The following COL22A1 variants were observed in gnomAD, a reference collection of about 807,000 sequenced individuals.
The protein encoded by COL22A1 is collagen alpha-1(XXII) chain.
A neutral mutation model predicts 248.9 loss-of-function variants in COL22A1; 221 were observed. The ratio of observed to expected loss-of-function variants is 0.89; its 90% CI spans 0.80 to 0.99. The LOEUF is 0.99. Among genes scored for constraint, COL22A1 ranks in the 50% least tolerant of loss-of-function variants. The probability of loss-of-function intolerance (pLI) is 0.00; values close to 1 mark genes in which losing one functional copy is unlikely to be tolerated. For missense variants in COL22A1, 2,240 were observed against 2,179.0 expected, an observed-to-expected ratio of 1.03 and a Z score of -0.56; for synonymous variants, 891 against 793.4, an observed-to-expected ratio of 1.12 and a Z score of -2.07.
intron 52 of COL22A1, 69 bp downstream of exon 52, chr8:138,623,663 A>C (rs1820008232): frequency 2.9e-6 from 4 of 1,379,270 alleles, no homozygotes; most frequent in Non-Finnish European, 4.0e-6. Context: ...AGCTCCTCAC[A>C]CAAAGTAGTT....
At chr8:138,832,094 A>C (rs1159468667) in intron 5 of COL22A1, among the ~76,000 whole-genome samples, 1 of 152,160 alleles carries the variant, frequency 6.6e-6, no homozygotes, top group Non-Finnish European at 1.5e-5. Flanking sequence ...CTACACTCCC[A>C]TCAGCGCCAT....
At position 138,594,052 on chromosome 8, in the gene COL22A1, C is replaced by A. The variant is rs951294502; in HGVS notation, c.4580G>T (p.Gly1527Val). 3.2e-6 allele frequency: 5 copies of A among 1,584,852 alleles called. No individual in the cohort carries two copies. Among genetic ancestry groups the A allele is most frequent in the Non-Finnish European group, 2.6e-6 (3 of 1,170,160 alleles). ...MGEPGRPGQG[G>V]LEGPSGPIGP... ...TATGGGTCCAGAGGGTCCTTCCAGA[C>A]CCCCCTGCCCAGGACGACCTGGCTC... Residue 1527 changes from glycine to valine, a missense_variant, in exon 63 of 65, where the codon GGT (glycine) becomes GTT (valine). Gly to Val is a moderately radical substitution (Grantham distance 109). Transcript: ENST00000303045.
intron 7 of COL22A1, among the ~76,000 whole-genome samples, chr8:138,814,331 T>G (rs1468641313): frequency 6.6e-6 from 1 of 152,242 alleles, no homozygotes; most frequent in Non-Finnish European, 1.5e-5. Context: ...ATCCACAGAT[T>G]GGGAACTTAA....
intron 4 of COL22A1, among the ~76,000 whole-genome samples, chr8:138,838,656 G>A (rs1820617187): frequency 7.5e-6 from 1 of 133,674 alleles, no homozygotes; most frequent in Non-Finnish European, 1.6e-5. Flanking sequence ...TAACTAGGTG[G>A]CAGCAAAGGG....
At position 138,879,923 on chromosome 8, in the gene COL22A1, G is replaced by A. The variant is rs181296981; in HGVS notation, c.92-1607C>T. On this transcript the variant is annotated intron_variant, in intron 2 of 64. Transcript: ENST00000303045. ...ATGGTCTGGTAGTGGCTGGGTGCACGAGAGTTGGAGGAGAATGCACCTGCC... is the reference window on the plus strand; with the variant it reads ...ATGGTCTGGTAGTGGCTGGGTGCACAAGAGTTGGAGGAGAATGCACCTGCC... Among the ~76,000 whole-genome samples, 1,046 of 152,250 alleles carry A rather than the reference G, an allele frequency of 6.9e-3. 6 individuals are homozygous for A. The highest frequency in any genetic ancestry group is 9.9e-3 in the Non-Finnish European group (671 of 68,020).
At chr8:138,733,343 AAGAC>A (rs1586600360) in intron 23 of COL22A1, among the ~76,000 whole-genome samples, 1 of 152,184 alleles carries the variant, frequency 6.6e-6, no homozygotes, top group African/African-American at 2.4e-5. Context: ...TTCATTCTGA[AAGAC>A]AGGCATAAAA....
In COL22A1 at chr8:138,718,889, A is replaced by G. The variant is rs368520926; in HGVS notation, c.2355+1850T>C. ...TAGATTGAAAAGCTGGAGTAATCCC[A>G]GAGGGTCCCTATAATTTTAGCCCAG... On this transcript the variant is annotated intron_variant, in intron 27 of 64. Coordinates refer to ENST00000303045, the MANE Select transcript of COL22A1 (RefSeq NM_152888.3). Among the ~76,000 whole-genome samples, 31 of 152,358 alleles carry G rather than the reference A, an allele frequency of 2.0e-4. 4 individuals are homozygous for G. The highest frequency in any genetic ancestry group is 1.4e-3 in the Admixed American group (22 of 15,294).
chr8:138,852,804 C>A (rs547078988), intron 3 of COL22A1, among the ~76,000 whole-genome samples: 1 of 151,954 alleles, frequency 6.6e-6, no homozygotes, highest in African/African-American at 2.4e-5. Flanking sequence ...GAGTGTTTCA[C>A]GCAGCAGGGA....
intron 23 of COL22A1, among the ~76,000 whole-genome samples, chr8:138,727,812 G>A (rs1028342398): frequency 6.6e-6 from 1 of 152,114 alleles, no homozygotes; most frequent in African/African-American, 2.4e-5. Flanking sequence ...GGGCTGCAGG[G>A]TGCCCTGGGC....
chr8:138,724,478 G>A (rs117434912), intron 25 of COL22A1, 137 bp downstream of exon 25: 12,008 of 776,868 alleles, frequency 0.015, 120 homozygotes, highest in Middle Eastern at 0.03. Flanking sequence ...GCTGAGCTCC[G>A]GGGCTGCAGG....
chr8:138,679,683 G>T lies in COL22A1; in HGVS notation c.3013-7C>A. On this transcript the variant is annotated splice_region_variant and splice_polypyrimidine_tract_variant and intron_variant, in intron 39 of 64. Coordinates refer to ENST00000303045, the MANE Select transcript of COL22A1 (RefSeq NM_152888.3). ...TGACTTTTCCGCAAGCAGCCTGAAA[G>T]TAGAAAATCTTCACTCATTTCTTCA... 1 of 1,613,438 alleles carries T rather than the reference G, an allele frequency of 6.2e-7. No individual in the cohort carries two copies.
At chr8:138,838,391 C>T (rs571318868) in intron 4 of COL22A1, among the ~76,000 whole-genome samples, 50 of 152,184 alleles carry the variant, frequency 3.3e-4, no homozygotes, top group African/African-American at 1.1e-3. Context: ...TGGGCGGACA[C>T]GTGCCTACCC....
chr8:138,779,310 GA>G (rs1179633652), intron 14 of COL22A1, among the ~76,000 whole-genome samples, 198 bp downstream of exon 14: 1 of 152,192 alleles, frequency 6.6e-6, no homozygotes, highest in Non-Finnish European at 1.5e-5. Flanking sequence ...AAATAACAAA[GA>G]TAAATGACCA....
At chr8:138,633,742 C>G (rs976907973) in intron 49 of COL22A1, among the ~76,000 whole-genome samples, 6 of 152,142 alleles carry the variant, frequency 3.9e-5, no homozygotes, top group Admixed American at 1.3e-4. Flanking sequence ...TCAGATGCTA[C>G]AAAATCCAAT....
chr8:138,609,959 T>C (rs1197582865), intron 56 of COL22A1, among the ~76,000 whole-genome samples: 1 of 152,188 alleles, frequency 6.6e-6, no homozygotes, highest in Non-Finnish European at 1.5e-5. Flanking sequence ...AGTTCCCCTT[T>C]TCAACCCTTT....
chr8:138,907,905 A>G (rs1282400390), intron 1 of COL22A1, among the ~76,000 whole-genome samples: 1 of 152,138 alleles, frequency 6.6e-6, no homozygotes, highest in Non-Finnish European at 1.5e-5. Context: ...TCATGACCCA[A>G]TCACCTCTTA....
At chr8:138,874,949 T>C (rs1823598340) in intron 3 of COL22A1, among the ~76,000 whole-genome samples, 1 of 152,158 alleles carries the variant, frequency 6.6e-6, no homozygotes, top group African/African-American at 2.4e-5. Context: ...AGCTGGCTTC[T>C]CCCATCACTA....
chr8:138,660,545 C>A, intron 43 of COL22A1, 65 bp from the exon 44 acceptor site: 1 of 1,399,998 alleles, frequency 7.1e-7, no homozygotes. Flanking sequence ...ACTCTACCCA[C>A]ACCCTCTGCC....
Position 138,863,843 on chromosome 8 carries a change from CA to C in COL22A1, c.658+13906del, listed in dbSNP as rs1822668466. On this transcript the variant is annotated intron_variant, in intron 3 of 64. Transcript: ENST00000303045. Reference sequence around the variant, plus strand: ...ACTGAATCTTTGCAATGTGTCTATGCAGGAGATTTTTGCTTGCTGTTTTCCA... The same window carrying C: ...ACTGAATCTTTGCAATGTGTCTATGCGGAGATTTTTGCTTGCTGTTTTCCA... Among the ~76,000 whole-genome samples, 6 of 152,304 alleles carry C rather than the reference CA, an allele frequency of 3.9e-5. No individual in the cohort carries two copies. In the South Asian group the frequency reaches 1.2e-3, roughly 32 times the overall value.
Sources: gnomAD v4.1 joint callset for allele counts (sites outside exome capture counted in the v4.1 genomes callset) on GRCh38, gnomAD v4.1.1 for gene constraint, MANE v1.5 for transcripts, NCBI Gene and HGNC (gene_info 2026-07-23, HGNC 2026-07-21) for gene names.